The following RGS6 variants were observed in gnomAD, a reference collection of about 807,000 sequenced individuals.
RGS6 encodes regulator of G protein signaling 6.
In RGS6, 30 loss-of-function variants were observed where a neutral mutation model predicts 78.5. That is an observed-to-expected ratio of 0.38 (90% confidence interval 0.29 to 0.52). RGS6 has a LOEUF of 0.52. Among genes scored for constraint, RGS6 ranks in the 20% least tolerant of loss-of-function variants. RGS6 has a pLI of 0.85. For missense variants in RGS6, 495 were observed against 609.7 expected (o/e 0.81, Z 1.98); for synonymous variants, 206 against 206.0 (o/e 1.00, Z 0.00).
intron 2 of RGS6, among the ~76,000 whole-genome samples, chr14:71,984,685 T>C (rs1029007013): frequency 6.6e-6 from 1 of 152,080 alleles, no homozygotes; most frequent in Non-Finnish European, 1.5e-5. Flanking sequence ...AAAATATATT[T>C]TATAACACTA....
chr14:72,629,581 C>G, the RGS6 span: 1 of 1,505,174 alleles, frequency 6.6e-7, no homozygotes, highest in Non-Finnish European at 8.9e-7. Flanking sequence ...AGGACCCCAG[C>G]TCTGTGGATT....
At chr14:72,193,651 G>A (rs2039286641) in intron 2 of RGS6, among the ~76,000 whole-genome samples, 1 of 152,186 alleles carries the variant, frequency 6.6e-6, no homozygotes, top group East Asian at 1.9e-4. Context: ...AGAAATGAAG[G>A]AGAACAGAGA....
At chr14:72,010,660 G>C (rs1042132844) in intron 2 of RGS6, among the ~76,000 whole-genome samples, 1 of 152,156 alleles carries the variant, frequency 6.6e-6, no homozygotes, top group Non-Finnish European at 1.5e-5. Flanking sequence ...AAATCAAAAT[G>C]GAGTCACTCA....
At chr14:72,560,637 T>G (rs969860639) in intron 17 of RGS6, among the ~76,000 whole-genome samples, 2 of 152,172 alleles carry the variant, frequency 1.3e-5, no homozygotes, top group Non-Finnish European at 2.9e-5. Context: ...AAAGGAGTAG[T>G]CATTCTTAGT....
chr14:72,544,497 G>T (rs576549607), intron 17 of RGS6, among the ~76,000 whole-genome samples: 1 of 152,300 alleles, frequency 6.6e-6, no homozygotes, highest in East Asian at 1.9e-4. Context: ...AGCACTGGAG[G>T]CCACGGAGGA....
chr14:72,499,794 G>A (rs886918918), intron 13 of RGS6, among the ~76,000 whole-genome samples: 2 of 151,966 alleles, frequency 1.3e-5, no homozygotes, highest in Admixed American at 6.6e-5. Flanking sequence ...ACTCAGCACT[G>A]GTGTCCCTTC....
the RGS6 span, among the ~76,000 whole-genome samples, chr14:71,868,388 A>T: frequency 1.3e-5 from 2 of 152,212 alleles, no homozygotes; most frequent in South Asian, 2.1e-4. Context: ...AGTGGGAAGA[A>T]GTATTAGACA....
the RGS6 span, among the ~76,000 whole-genome samples, chr14:71,882,629 G>A: frequency 4.6e-5 from 7 of 152,126 alleles, no homozygotes; most frequent in Admixed American, 2.0e-4. Flanking sequence ...TCTGAGTTGC[G>A]TTCATGACTG....
intron 3 of RGS6, among the ~76,000 whole-genome samples, chr14:72,396,455 G>C (rs1391135646): frequency 6.6e-6 from 1 of 152,150 alleles, no homozygotes; most frequent in Non-Finnish European, 1.5e-5. Flanking sequence ...CCCTTTGTCA[G>C]ATGAGTAGGT....
intron 2 of RGS6, among the ~76,000 whole-genome samples, chr14:72,076,266 G>A (rs1258330566): frequency 6.6e-6 from 1 of 152,014 alleles, no homozygotes; most frequent in African/African-American, 2.4e-5. Flanking sequence ...TCTGTTCTTG[G>A]CTTTTTCACT....
intron 2 of RGS6, among the ~76,000 whole-genome samples, chr14:72,281,600 C>G (rs529054748): frequency 9.9e-5 from 15 of 152,120 alleles, no homozygotes; most frequent in Non-Finnish European, 2.1e-4. Context: ...AGGAGAAGAT[C>G]TCTTTAGACT....
chr14:71,869,031 G>A, the RGS6 span, among the ~76,000 whole-genome samples: 4 of 152,144 alleles, frequency 2.6e-5, no homozygotes, highest in Non-Finnish European at 5.9e-5. Context: ...TTGACACCAA[G>A]CATCCCTCCT....
At chr14:72,108,570 C>G (rs1005276948) in intron 2 of RGS6, among the ~76,000 whole-genome samples, 2 of 151,892 alleles carry the variant, frequency 1.3e-5, no homozygotes, top group African/African-American at 2.4e-5. Context: ...TGTCTGTCTT[C>G]AAAATTTATC....
chr14:72,414,864 G>A (rs988214729), intron 3 of RGS6, among the ~76,000 whole-genome samples: 1 of 152,224 alleles, frequency 6.6e-6, no homozygotes, highest in African/African-American at 2.4e-5. Context: ...CTGCAGAACA[G>A]CAGATATTGG....
intron 2 of RGS6, among the ~76,000 whole-genome samples, chr14:72,198,228 G>A (rs563560277): frequency 7.4e-4 from 113 of 152,198 alleles, no homozygotes; most frequent in Middle Eastern, 3.4e-3. Flanking sequence ...TGCTGTGCAC[G>A]TGTAGTCCCA....
intron 2 of RGS6, among the ~76,000 whole-genome samples, chr14:72,300,960 A>G (rs1264196694): frequency 6.6e-6 from 1 of 152,248 alleles, no homozygotes; most frequent in Non-Finnish European, 1.5e-5. Context: ...ATATGCAAGA[A>G]TAAAAGAAGT....
At position 72,563,673 on chromosome 14, in the gene RGS6, A is replaced by G. The variant is rs1385167879; in HGVS notation, c.*1206A>G. On this transcript the variant is annotated 3_prime_UTR_variant, in exon 18 of 18. Transcript: ENST00000553525. ...CCTGTGTGTGTGTGTCAAAATGACC[A>G]TTTGCCAACCTGGCTGTGAGGTAAT... is the stretch of plus-strand genomic sequence containing the variant. 1.3e-5 allele frequency: 2 copies of G among 152,250 alleles called. No homozygotes were observed. The highest frequency in any genetic ancestry group is 4.8e-5 in the African/African-American group (2 of 41,450). The allele number at this position is 152,250 out of a possible 1,614,324, so 9.4% of individuals were successfully genotyped here.
chr14:72,219,907 C>G (rs2046457943), intron 2 of RGS6, among the ~76,000 whole-genome samples: 1 of 152,044 alleles, frequency 6.6e-6, no homozygotes, highest in Admixed American at 6.6e-5. Context: ...GACGAACATT[C>G]CTCAGTTGTT....
intron 2 of RGS6, among the ~76,000 whole-genome samples, chr14:72,103,092 T>C (rs1567209567): frequency 6.6e-6 from 1 of 152,212 alleles, no homozygotes; most frequent in Non-Finnish European, 1.5e-5. Flanking sequence ...GAAATAGCCC[T>C]TTCTTATCTC....
Sources: allele counts gnomAD v4.1 joint callset (sites outside exome capture counted in the v4.1 genomes callset), GRCh38; gene constraint gnomAD v4.1.1; transcripts MANE v1.5; gene names NCBI Gene and HGNC (gene_info 2026-07-23, HGNC 2026-07-21).